The following TENM4 variants were observed in gnomAD, a reference collection of about 807,000 sequenced individuals.
TENM4 encodes the protein teneurin-4.
In TENM4, 82 loss-of-function variants were observed where a neutral mutation model predicts 243.3. The ratio of observed to expected loss-of-function variants is 0.34; its 90% CI spans 0.28 to 0.40. The LOEUF (loss-of-function observed/expected upper bound fraction) is 0.40. Among genes scored for constraint, TENM4 ranks in the 10% least tolerant of loss-of-function variants. The pLI is 1.00. For synonymous variants in TENM4, 1,412 were observed against 1,456.3 expected, an observed-to-expected ratio of 0.97 and a Z score of 0.69; for missense variants, 3,138 against 3,673.3, an observed-to-expected ratio of 0.85 and a Z score of 3.77.
intron 3 of TENM4, among the ~76,000 whole-genome samples, chr11:79,171,718 G>A (rs906556850): frequency 1.4e-4 from 21 of 152,224 alleles, no homozygotes; most frequent in African/African-American, 3.9e-4. Context: ...ATTGCTTGCT[G>A]TAGAACGTAG....
chr11:79,062,109 G>A (rs1301324102), intron 6 of TENM4, among the ~76,000 whole-genome samples: 1 of 151,730 alleles, frequency 6.6e-6, no homozygotes, highest in Non-Finnish European at 1.5e-5. Flanking sequence ...TTACAAGTGT[G>A]CACCACCATG....
intron 1 of TENM4, among the ~76,000 whole-genome samples, chr11:79,409,083 TGTGTGTGTGTGTGTGTGTGC>T (rs1267066700): frequency 8.5e-6 from 1 of 117,796 alleles, no homozygotes; most frequent in African/African-American, 3.2e-5. Flanking sequence ...TGTGTGTGTG[TGTGTGTGTGTGTGTGTGTGC>T]GCGCGCGCGC....
intron 6 of TENM4, among the ~76,000 whole-genome samples, chr11:79,060,510 G>A (rs1434933853): frequency 2.0e-5 from 3 of 152,212 alleles, no homozygotes; most frequent in Non-Finnish European, 4.4e-5. Flanking sequence ...TGGAGGCAGA[G>A]TAAATGTTCC....
chr11:79,381,271 C>T (rs1857996298), intron 1 of TENM4, among the ~76,000 whole-genome samples: 1 of 151,978 alleles, frequency 6.6e-6, no homozygotes, highest in East Asian at 1.9e-4. Context: ...ACAAGTACCC[C>T]CTCAGGAAAG....
In TENM4 at chr11:79,064,789, C is replaced by T; in HGVS notation, c.442G>A (p.Ala148Thr). The T allele has an allele frequency of 1.3e-6, 2 of 1,551,658 alleles. No individual in the cohort carries two copies. The highest frequency in any genetic ancestry group is 1.7e-6 in the Non-Finnish European group (2 of 1,146,986). The change falls in exon 6 of 34, where the codon GCC (alanine) becomes ACC (threonine). Residue 148 changes from alanine to threonine, a missense_variant. By Grantham distance (58) the Ala-to-Thr change is moderately conservative. Transcript: ENST00000278550. ...SGRSSCLSSR[A>T]NSNLTLTDTE... ...TCGGTGAGTGTGAGATTGGAATTGG[C>T]CCGGCTGGACAGGCAGGAGCTGCGC...
chr11:78,705,579 G>A (rs1859227557), intron 27 of TENM4, among the ~76,000 whole-genome samples: 1 of 152,176 alleles, frequency 6.6e-6, no homozygotes, highest in Non-Finnish European at 1.5e-5. Context: ...CACGTTCTAT[G>A]GTTCCAGTGT....
At chr11:78,684,801 G>A (rs765645505) in intron 29 of TENM4, among the ~76,000 whole-genome samples, 7 of 152,168 alleles carry the variant, frequency 4.6e-5, no homozygotes, top group Non-Finnish European at 1.0e-4. Flanking sequence ...ACCTTATGAG[G>A]TACTGCTTAA....
intron 1 of TENM4, among the ~76,000 whole-genome samples, chr11:79,437,344 T>A (rs1859292174): frequency 1.3e-5 from 2 of 152,212 alleles, no homozygotes; most frequent in South Asian, 2.1e-4. Context: ...GCTCCCCCGC[T>A]GAAAGCCCAA....
At chr11:79,152,134 A>T (rs1347793977) in intron 3 of TENM4, among the ~76,000 whole-genome samples, 1 of 152,132 alleles carries the variant, frequency 6.6e-6, no homozygotes, top group African/African-American at 2.4e-5. Context: ...AAAGAAACGC[A>T]ATGTGTCCAT....
chr11:78,985,922 C>T (rs2136643793), intron 6 of TENM4, among the ~76,000 whole-genome samples: 2 of 152,318 alleles, frequency 1.3e-5, no homozygotes, highest in East Asian at 3.9e-4. Flanking sequence ...AGGTGCCACT[C>T]CATGCCCTCC....
intron 1 of TENM4, among the ~76,000 whole-genome samples, chr11:79,426,906 T>A (rs1216634817): frequency 6.6e-6 from 1 of 152,180 alleles, no homozygotes; most frequent in Non-Finnish European, 1.5e-5. Context: ...CCCCTTTTCT[T>A]CTCTCCTTTA....
At chr11:79,349,000 G>C (rs1047425893) in intron 1 of TENM4, among the ~76,000 whole-genome samples, 2 of 152,198 alleles carry the variant, frequency 1.3e-5, no homozygotes, top group Admixed American at 1.3e-4. Context: ...AGCTGGAAGG[G>C]ATCTTGCCAA....
intron 19 of TENM4, 50 bp from the exon 20 acceptor site, chr11:78,738,620 G>C: frequency 6.3e-7 from 1 of 1,576,676 alleles, no homozygotes; most frequent in Non-Finnish European, 8.6e-7. Flanking sequence ...CATGGTCAGA[G>C]CCCTGGCTGG....
At chr11:78,943,638 G>A (rs190999516) in intron 6 of TENM4, among the ~76,000 whole-genome samples, 1 of 151,916 alleles carries the variant, frequency 6.6e-6, no homozygotes, top group Non-Finnish European at 1.5e-5. Flanking sequence ...TTTTTTTCTA[G>A]TAGGGAAATG....
intron 2 of TENM4, among the ~76,000 whole-genome samples, chr11:79,293,757 G>A (rs1303077455): frequency 2.0e-5 from 3 of 152,200 alleles, no homozygotes; most frequent in Admixed American, 6.5e-5. Flanking sequence ...GCAGGACTCT[G>A]ATGCTCAATG....
intron 6 of TENM4, among the ~76,000 whole-genome samples, chr11:79,050,306 T>C (rs1360770815): frequency 1.3e-5 from 2 of 152,196 alleles, no homozygotes; most frequent in Non-Finnish European, 2.9e-5. Flanking sequence ...CTAGCTCTAG[T>C]GCTGGGGTTA....
intron 2 of TENM4, among the ~76,000 whole-genome samples, chr11:79,218,845 TGAG>T: frequency 6.6e-6 from 1 of 152,316 alleles, no homozygotes; most frequent in South Asian, 2.1e-4. Context: ...AGCATTCCGT[TGAG>T]GGGAAATTGA....
chr11:79,159,603 C>G (rs1167201629), intron 3 of TENM4, among the ~76,000 whole-genome samples: 1 of 152,116 alleles, frequency 6.6e-6, no homozygotes, highest in Non-Finnish European at 1.5e-5. Context: ...ACTCTTCCAG[C>G]TTTGCCCGCC....
intron 7 of TENM4, among the ~76,000 whole-genome samples, chr11:78,902,001 C>G (rs1409236325): frequency 6.6e-6 from 1 of 152,156 alleles, no homozygotes; most frequent in Non-Finnish European, 1.5e-5. Context: ...AGTCACATGT[C>G]CACACTTTTC....
Sources: gnomAD v4.1 joint callset for allele counts (sites outside exome capture counted in the v4.1 genomes callset) on GRCh38, gnomAD v4.1.1 for gene constraint, MANE v1.5 for transcripts, NCBI Gene and HGNC (gene_info 2026-07-23, HGNC 2026-07-21) for gene names.